ANKDD1A: variants seen among roughly 807,000 people sequenced by gnomAD.
The protein encoded by ANKDD1A is ankyrin repeat and death domain containing 1A.
In ANKDD1A, 59 loss-of-function variants were observed where a neutral mutation model predicts 63.5. The ratio of observed to expected loss-of-function variants is 0.93; its 90% CI spans 0.75 to 1.15. ANKDD1A has a LOEUF of 1.15. Ranked by LOEUF, ANKDD1A falls within the 50% of genes most tolerant of loss-of-function variation. The pLI is 0.00. For synonymous variants in ANKDD1A, 266 were observed against 263.9 expected, an observed-to-expected ratio of 1.01 and a Z score of -0.08; for missense variants, 632 against 656.4, an observed-to-expected ratio of 0.96 and a Z score of 0.41.
At chr15:64,920,259 G>A (rs907954471) in intron 3 of ANKDD1A, among the ~76,000 whole-genome samples, 4 of 152,200 alleles carry the variant, frequency 2.6e-5, no homozygotes, top group Admixed American at 6.5e-5. Flanking sequence ...GGGAAGTGCA[G>A]AACCCTACTG....
intron 10 of ANKDD1A, 61 bp downstream of exon 10, chr15:64,942,626 C>G: frequency 7.1e-7 from 1 of 1,398,800 alleles, no homozygotes; most frequent in Non-Finnish European, 9.9e-7. Context: ...CCCAGGCTGG[C>G]AGGCTTGGCT....
At chr15:64,955,247 G>A (rs1304716926) in intron 14 of ANKDD1A, among the ~76,000 whole-genome samples, 1 of 152,044 alleles carries the variant, frequency 6.6e-6, no homozygotes, top group African/African-American at 2.4e-5. Context: ...TAGAGACGGG[G>A]TTTCACTGTG....
intron 14 of ANKDD1A, among the ~76,000 whole-genome samples, chr15:64,956,162 C>T (rs986927693): frequency 2.0e-5 from 3 of 151,850 alleles, no homozygotes; most frequent in African/African-American, 7.2e-5. Flanking sequence ...GATAGCTGCA[C>T]CATTTTTAGA....
intron 14 of ANKDD1A, among the ~76,000 whole-genome samples, chr15:64,954,440 T>C (rs1486064913): frequency 1.4e-5 from 2 of 144,812 alleles, no homozygotes; most frequent in Admixed American, 7.0e-5. Context: ...TTCGTCGTCT[T>C]CTCCTTCTTC....
intron 9 of ANKDD1A, among the ~76,000 whole-genome samples, chr15:64,934,449 T>C (rs2085111627): frequency 6.6e-6 from 1 of 152,046 alleles, no homozygotes; most frequent in Non-Finnish European, 1.5e-5. Context: ...AACTGAATTA[T>C]TAGCTCCTGT....
chr15:64,915,845 T>C lies in ANKDD1A; in HGVS notation c.83T>C (p.Val28Ala). 6.2e-7 allele frequency: 1 copy of C among 1,614,060 alleles called. No individual in the cohort carries two copies. Among genetic ancestry groups the C allele is most frequent in the Non-Finnish European group, 8.5e-7 (1 of 1,179,996 alleles). Residue 28 changes from valine (V) to alanine (A), a missense_variant, in exon 2 of 15, where the codon GTC becomes GCC. Coordinates refer to ENST00000319580, the MANE Select transcript of ANKDD1A (RefSeq NM_182703.6). ...CACGAGGCCGCCCGCCAGAACAATG[T>C]CGGCAGGATGCAGGAGCTGATTGGG... ...QLHEAARQNN[V>A]GRMQELIGRR... is the part of the protein sequence containing the mutation.
chr15:64,944,581 C>T (rs1399616102), intron 11 of ANKDD1A, 71 bp from the exon 12 acceptor site: 5 of 1,417,116 alleles, frequency 3.5e-6, no homozygotes, highest in Admixed American at 1.9e-5. Context: ...AGGGTTTGTC[C>T]TCAGTGCTAG....
rs2084934045 is a variant in ANKDD1A, at chr15:64,911,924, C to T, written c.-7C>T. The T allele has an allele frequency of 5.6e-6, 7 of 1,247,586 alleles. No homozygotes were observed. In the South Asian group the frequency reaches 1.5e-4, roughly 27 times the overall value. The allele number at this position is 1,247,586 out of a possible 1,614,324, so 77.3% of individuals were successfully genotyped here. On this transcript the variant is annotated 5_prime_UTR_variant, in exon 1 of 15. Coordinates refer to ENST00000319580, the MANE Select transcript of ANKDD1A (RefSeq NM_182703.6). The stretch of plus-strand genomic sequence containing the variant: ...ACCAGCGCGCGCAGGGGCTGCGGAG[C>T]GGCAGGATGCAGGAGGAGCTGGCGT...
intron 13 of ANKDD1A, among the ~76,000 whole-genome samples, chr15:64,947,820 C>T (rs1595856670): frequency 6.6e-6 from 1 of 152,198 alleles, no homozygotes; most frequent in Admixed American, 6.5e-5. Context: ...CACCAATCAG[C>T]CCAAACTGAT....
intron 14 of ANKDD1A, among the ~76,000 whole-genome samples, chr15:64,951,720 C>CGTTCTTCCTTTCTTCTTTTTCTTT (rs1276132353): frequency 5.1e-5 from 7 of 136,252 alleles, no homozygotes; most frequent in Non-Finnish European, 1.1e-4. Flanking sequence ...TCTTTTTCTT[C>CGTTCTTCCTTTCTTCTTTTTCTTT]CCTTTTCTTC....
chr15:64,925,227 CAAAAAAAA>C (rs769786433), intron 4 of ANKDD1A, among the ~76,000 whole-genome samples: 1 of 42,598 alleles, frequency 2.3e-5, no homozygotes, highest in Non-Finnish European at 5.2e-5. Flanking sequence ...GACTCCGACT[CAAAAAAAA>C]AAAAAAAAAA....
At chr15:64,924,270 G>A (rs1477930841) in intron 4 of ANKDD1A, among the ~76,000 whole-genome samples, 1 of 152,224 alleles carries the variant, frequency 6.6e-6, no homozygotes, top group Non-Finnish European at 1.5e-5. Context: ...TCTGCCTCAG[G>A]ACAGCAAAAG....
intron 9 of ANKDD1A, among the ~76,000 whole-genome samples, chr15:64,935,580 C>G (rs1413844409): frequency 6.6e-6 from 1 of 151,920 alleles, no homozygotes; most frequent in African/African-American, 2.4e-5. Context: ...GAGGCTGAGG[C>G]AGGAGAATGG....
intron 10 of ANKDD1A, chr15:64,943,211 G>T: frequency 5.4e-6 from 2 of 373,426 alleles, no homozygotes; most frequent in African/African-American, 2.1e-5. Flanking sequence ...GGTAAATTAT[G>T]GCACAGACAA....
intron 14 of ANKDD1A, chr15:64,951,332 T>C (rs1429336972): frequency 5.5e-6 from 1 of 183,104 alleles, no homozygotes; most frequent in East Asian, 4.7e-3. Context: ...TCTTTCCTCT[T>C]TTTCTTTCTT....
At chr15:64,935,964 G>A (rs569122969) in intron 9 of ANKDD1A, among the ~76,000 whole-genome samples, 11 of 152,264 alleles carry the variant, frequency 7.2e-5, no homozygotes, top group African/African-American at 2.6e-4. Flanking sequence ...TTTGGTGTTA[G>A]GCCTGGCTTT....
Position 64,947,520 on chromosome 15 carries a change from T to A in ANKDD1A, c.1278T>A (p.Arg426=). The change falls in exon 13 of 15, where the codon CGT becomes CGA. Residue 426 remains arginine (R), a synonymous_variant. Coordinates refer to ENST00000319580, the MANE Select transcript of ANKDD1A (RefSeq NM_182703.6). The part of the protein sequence containing the change: ...WRLASRYLQP[R]EWKKLAYSWE... ...TGGCCTCCAGGTATCTGCAGCCCCG[T>A]GAGTGGAAGAAGCTGGCATATTCCT... The A allele has an allele frequency of 6.2e-7, 1 of 1,614,006 alleles. No homozygotes were observed. Among genetic ancestry groups the A allele is most frequent in the Non-Finnish European group, 8.5e-7 (1 of 1,179,970 alleles).
At chr15:64,930,777 G>A in intron 6 of ANKDD1A, 45 bp from the exon 7 acceptor site, 1 of 1,574,202 alleles carries the variant, frequency 6.4e-7, no homozygotes, top group Non-Finnish European at 8.6e-7. Flanking sequence ...TGTGATTCTG[G>A]GACTCTCTGG....
intron 12 of ANKDD1A, 131 bp from the exon 13 acceptor site, chr15:64,947,272 TG>T: frequency 1.2e-6 from 1 of 832,490 alleles, no homozygotes; most frequent in Non-Finnish European, 1.8e-6. Flanking sequence ...ATTAAGCCCC[TG>T]GCCCTTGCTG....
Sources: allele counts gnomAD v4.1 joint callset (sites outside exome capture counted in the v4.1 genomes callset), GRCh38; gene constraint gnomAD v4.1.1; transcripts MANE v1.5; gene names NCBI Gene and HGNC (gene_info 2026-07-23, HGNC 2026-07-21).